Variants in DPYSL3 observed in about 807,000 individuals in gnomAD.
DPYSL3 encodes the protein dihydropyrimidinase like 3.
Under a neutral mutation model 66.1 loss-of-function variants are expected in DPYSL3, and 16 were observed. That is an observed-to-expected ratio of 0.24 (90% CI 0.16 to 0.37). The LOEUF is 0.37. Among genes scored for constraint, DPYSL3 ranks in the 10% least tolerant of loss-of-function variants. The pLI is 1.00. For missense variants in DPYSL3, 738 were observed against 916.2 expected, an observed-to-expected ratio of 0.81 and a Z score of 2.51; for synonymous variants, 338 against 345.1, an observed-to-expected ratio of 0.98 and a Z score of 0.23.
intron 7 of DPYSL3, among the ~76,000 whole-genome samples, chr5:147,407,805 C>T (rs1751738652): frequency 6.6e-6 from 1 of 152,084 alleles, no homozygotes; most frequent in Non-Finnish European, 1.5e-5. Context: ...AAAAATATCA[C>T]TAGATACAAA....
At chr5:147,482,768 T>TA (rs1160414273) in intron 1 of DPYSL3, among the ~76,000 whole-genome samples, 1 of 152,216 alleles carries the variant, frequency 6.6e-6, no homozygotes, top group African/African-American at 2.4e-5. Context: ...GGTATAAAGA[T>TA]ACTGCCTTAG....
At chr5:147,462,903 G>C (rs1323651060) in intron 1 of DPYSL3, among the ~76,000 whole-genome samples, 2 of 152,102 alleles carry the variant, frequency 1.3e-5, no homozygotes, top group Non-Finnish European at 2.9e-5. Context: ...ATCTGAAAAA[G>C]AGTTCCTTTT....
chr5:147,407,482 C>T (rs1437499618), intron 7 of DPYSL3, among the ~76,000 whole-genome samples: 2 of 152,108 alleles, frequency 1.3e-5, no homozygotes, highest in Non-Finnish European at 2.9e-5. Context: ...TCCACAGTGA[C>T]CAGCATTTAA....
Position 147,497,707 on chromosome 5 carries a change from TAA to T in DPYSL3, c.381+11769_381+11770del, listed in dbSNP as rs35494023. ...GGCAAAATCCAATATCCATTCATGA[TAA>T]AAAAAAAAAAACTTAGCGAAGTAGG... On this transcript the variant is annotated intron_variant, in intron 1 of 13. Coordinates refer to ENST00000343218, the MANE Select transcript of DPYSL3 (RefSeq NM_001197294.2). Among the ~76,000 whole-genome samples, 310 of 146,702 alleles carry T rather than the reference TAA, an allele frequency of 2.1e-3. 1 individual carries two copies. The highest frequency in any genetic ancestry group is 4.2e-3 in the African/African-American group (170 of 40,270).
At chr5:147,433,762 A>G (rs540127088) in intron 1 of DPYSL3, among the ~76,000 whole-genome samples, 2 of 152,328 alleles carry the variant, frequency 1.3e-5, no homozygotes, top group South Asian at 2.1e-4. Context: ...GGCCAGGCGC[A>G]GTGGCTCACG....
chr5:147,433,887 C>T (rs1321235263), intron 1 of DPYSL3, among the ~76,000 whole-genome samples: 2 of 152,094 alleles, frequency 1.3e-5, no homozygotes, highest in Non-Finnish European at 2.9e-5. Flanking sequence ...CAAAAATTAA[C>T]TGGGCGTGGT....
chr5:147,476,540 C>T (rs760613474), intron 1 of DPYSL3, among the ~76,000 whole-genome samples: 23 of 152,116 alleles, frequency 1.5e-4, no homozygotes, highest in Non-Finnish European at 2.6e-4. Flanking sequence ...AGTTTTAACG[C>T]TTCAAAGAGG....
intron 2 of DPYSL3, among the ~76,000 whole-genome samples, chr5:147,422,355 A>G (rs1463072498): frequency 2.0e-5 from 3 of 152,170 alleles, no homozygotes; most frequent in Non-Finnish European, 4.4e-5. Context: ...GAAACAACAG[A>G]TGCTGGAAAG....
chr5:147,453,700 T>TA (rs1752789105), intron 1 of DPYSL3: 1 of 1,343,402 alleles, frequency 7.4e-7, no homozygotes, highest in Non-Finnish European at 9.6e-7. Context: ...AATGGTGCGC[T>TA]GGCCGCGCCG....
At chr5:147,434,005 G>T (rs897138095) in intron 1 of DPYSL3, among the ~76,000 whole-genome samples, 5 of 149,238 alleles carry the variant, frequency 3.4e-5, no homozygotes, top group Non-Finnish European at 7.4e-5. Flanking sequence ...ACTCCAGCCT[G>T]GTGACAGAGC....
Position 147,509,340 on chromosome 5 carries a change from G to A in DPYSL3, c.381+138C>T, listed in dbSNP as rs565076035. The A allele has an allele frequency of 4.2e-6, 5 of 1,199,492 alleles. No homozygotes were observed. In the South Asian group the frequency reaches 8.1e-5, roughly 19 times the overall value. The allele number at this position is 1,199,492 out of a possible 1,614,324, so 74.3% of individuals were successfully genotyped here. ...GGGCTAGGAAGTCGCGCTACGCTCAGTGGAGGATGACCCTTTCCTCCTCCT... is the reference window on the plus strand; with the variant it reads ...GGGCTAGGAAGTCGCGCTACGCTCAATGGAGGATGACCCTTTCCTCCTCCT... On this transcript the variant is annotated intron_variant, in intron 1 of 13. Transcript: ENST00000343218. The surrounding 1 kb of genome is among the most constrained non-coding windows in gnomAD (Gnocchi z 5.3).
At chr5:147,500,981 A>T (rs1423274102) in intron 1 of DPYSL3, among the ~76,000 whole-genome samples, 2 of 152,198 alleles carry the variant, frequency 1.3e-5, no homozygotes, top group Non-Finnish European at 2.9e-5. Context: ...TACCTAAATG[A>T]ACTGAAGACT....
chr5:147,439,852 A>G (rs564621029), intron 1 of DPYSL3, among the ~76,000 whole-genome samples: 5 of 152,170 alleles, frequency 3.3e-5, no homozygotes, highest in African/African-American at 1.2e-4. Context: ...ATGCCTGTCC[A>G]CCTCTTACCT....
rs532724809 is a variant in DPYSL3, at chr5:147,505,183, G to A, written c.381+4295C>T. On this transcript the variant is annotated intron_variant, in intron 1 of 13. Coordinates refer to ENST00000343218, the MANE Select transcript of DPYSL3 (RefSeq NM_001197294.2). ...TAAGAAGGTGTTTATAGATAGGTTTGGAACCACTATATTAGCATCTAGTGA... is the reference window on the plus strand; with the variant it reads ...TAAGAAGGTGTTTATAGATAGGTTTAGAACCACTATATTAGCATCTAGTGA... Among the ~76,000 whole-genome samples, 8 of 152,150 alleles carry A rather than the reference G, an allele frequency of 5.3e-5. No homozygotes were observed. The South Asian group carries it at 1.7e-3, about 32-fold the overall frequency.
intron 1 of DPYSL3, among the ~76,000 whole-genome samples, chr5:147,474,544 G>A (rs144445291): frequency 1.3e-5 from 2 of 152,032 alleles, no homozygotes; most frequent in Non-Finnish European, 2.9e-5. Context: ...AAGCAGTCTT[G>A]TGCCAGAACT....
intron 1 of DPYSL3, among the ~76,000 whole-genome samples, chr5:147,459,529 T>G (rs1752901499): frequency 6.6e-6 from 1 of 152,068 alleles, no homozygotes; most frequent in African/African-American, 2.4e-5. Flanking sequence ...ATTCACCTGC[T>G]ATTATTAGAT....
In DPYSL3 at chr5:147,509,469, C is replaced by T. The variant is rs1387623413; in HGVS notation, c.381+9G>A. ...AGGCAAGGAGGGAAGTGACCCGGGG[C>T]CCCCTTACCTTGTCCTTGGGGCCGA... On this transcript the variant is annotated intron_variant, in intron 1 of 13. Transcript: ENST00000343218. The surrounding 1 kb of genome is among the most constrained non-coding windows in gnomAD (Gnocchi z 5.3). 2 of 1,497,418 alleles carry T rather than the reference C, an allele frequency of 1.3e-6. No homozygotes were observed. The highest frequency in any genetic ancestry group is 8.9e-7 in the Non-Finnish European group (1 of 1,127,594). The allele number at this position is 1,497,418 out of a possible 1,614,324, so 92.8% of individuals were successfully genotyped here.
At chr5:147,458,848 A>G (rs1752891897) in intron 1 of DPYSL3, among the ~76,000 whole-genome samples, 1 of 152,188 alleles carries the variant, frequency 6.6e-6, no homozygotes, top group South Asian at 2.1e-4. Flanking sequence ...GCTCCTTAAG[A>G]GAGCAGGGAG....
intron 1 of DPYSL3, among the ~76,000 whole-genome samples, chr5:147,508,386 T>TGAG (rs550287285): frequency 1.8e-4 from 27 of 152,232 alleles, no homozygotes; most frequent in Non-Finnish European, 3.2e-4. Flanking sequence ...GTAATTGCTC[T>TGAG]GAGGCAGACA....
Sources: gnomAD v4.1 joint callset for allele counts (sites outside exome capture counted in the v4.1 genomes callset) on GRCh38, gnomAD v4.1.1 for gene constraint, Gnocchi (gnomAD v3.1) non-coding constraint, MANE v1.5 for transcripts, NCBI Gene and HGNC (gene_info 2026-07-23, HGNC 2026-07-21) for gene names.